The following BCOR variants were observed in gnomAD, a reference collection of about 807,000 sequenced individuals.
The protein encoded by BCOR is BCL6 corepressor.
A neutral mutation model predicts 86.7 loss-of-function variants in BCOR; 10 were observed. The observed-to-expected ratio is 0.12, with a 90% CI of 0.07 to 0.20. BCOR has a LOEUF of 0.20. Among genes scored for constraint, BCOR ranks in the 10% least tolerant of loss-of-function variants. The probability of loss-of-function intolerance (pLI) is 1.00; values close to 1 mark genes in which losing one functional copy is unlikely to be tolerated. For synonymous variants in BCOR, 611 were observed against 609.0 expected (o/e 1.00, Z -0.05); for missense variants, 1,259 against 1,452.1 (o/e 0.87, Z 2.16).
intron 1 of BCOR, among the ~76,000 whole-genome samples, chrX:40,171,656 G>A (rs889552512): frequency 8.9e-6 from 1 of 112,987 alleles, no homozygotes; most frequent in South Asian, 3.6e-4. Flanking sequence ...TGCCCCGCGT[G>A]GGCGCACCCT....
intron 1 of BCOR, among the ~76,000 whole-genome samples, chrX:40,105,223 C>T (rs2147802211): frequency 9.0e-6 from 1 of 111,300 alleles, no homozygotes; most frequent in African/African-American, 3.2e-5. Context: ...CTGCGGCCCC[C>T]ATCCCAGCGC....
At chrX:40,168,568 T>C (rs999874109) in intron 1 of BCOR, among the ~76,000 whole-genome samples, 21 of 112,686 alleles carry the variant, frequency 1.9e-4, no homozygotes, top group Middle Eastern at 4.6e-3. Flanking sequence ...TGGCTCCTGT[T>C]GCTCGAGGCC....
In BCOR at chrX:40,062,066, TC is replaced by T. The variant is rs1300026403; in HGVS notation, c.4428+72del. 7 of 1,135,181 alleles carry T rather than the reference TC, an allele frequency of 6.2e-6. No homozygotes were observed. In the East Asian group the frequency reaches 1.3e-4, roughly 21 times the overall value. The allele number at this position is 1,135,181 out of a possible 1,213,427, so 93.6% of individuals were successfully genotyped here. The stretch of plus-strand genomic sequence containing the variant: ...GGCTGAGCTCTGCTCTCCATGTCCC[TC>T]CCCTCGCCCACCACAGTCCGCAGGC... On this transcript the variant is annotated intron_variant, in intron 10 of 14. Coordinates refer to ENST00000378444, the MANE Select transcript of BCOR (RefSeq NM_001123385.2).
At position 40,119,529 on chromosome X, in the gene BCOR, T is replaced by C. The variant is rs143850553; in HGVS notation, c.-40-41560A>G. Among the ~76,000 whole-genome samples the C allele has an allele frequency of 3.4e-3, 379 of 110,751 alleles. 1 individual carries two copies. Among genetic ancestry groups the C allele is most frequent in the African/African-American group, 0.012 (361 of 30,420 alleles). ...CTCTACACAAACTACAAAAATAAGCTGGGTGTGGTGGGCGTGCTGTAGTCT... is the reference window on the plus strand; with the variant it reads ...CTCTACACAAACTACAAAAATAAGCCGGGTGTGGTGGGCGTGCTGTAGTCT... On this transcript the variant is annotated intron_variant, in intron 1 of 14. Transcript: ENST00000342274.
intron 1 of BCOR, among the ~76,000 whole-genome samples, chrX:40,159,933 G>A (rs1237372657): frequency 1.8e-5 from 2 of 112,030 alleles, no homozygotes; most frequent in African/African-American, 6.5e-5. Context: ...GAAAGGAACT[G>A]CAATCACTGA....
At chrX:40,156,353 G>T (rs1346079219) in intron 1 of BCOR, among the ~76,000 whole-genome samples, 1 of 110,996 alleles carries the variant, frequency 9.0e-6, no homozygotes, top group Non-Finnish European at 1.9e-5. Context: ...GCTCTGGCCC[G>T]CGCGGCCGGG....
At chrX:40,176,316 G>A (rs973548971) in intron 1 of BCOR, among the ~76,000 whole-genome samples, 3 of 112,298 alleles carry the variant, frequency 2.7e-5, no homozygotes, top group African/African-American at 9.7e-5. Context: ...GCTCCGGCTT[G>A]CACCCCCGCG....
In BCOR at chrX:40,105,016, G is replaced by A. The variant is rs1602224304; in HGVS notation, c.-40-27047C>T. Among the ~76,000 whole-genome samples, 3 of 111,136 alleles carry A rather than the reference G, an allele frequency of 2.7e-5. No individual in the cohort carries two copies. In the East Asian group the frequency reaches 8.8e-4, roughly 33 times the overall value. On this transcript the variant is annotated intron_variant, in intron 1 of 14. Coordinates refer to the BCOR transcript ENST00000342274. ...GGCTCGGTTCCGCGTTCCTGGGCCCGCGGGTAAGCTGAGTCGGCGGGGCAG... is the reference window on the plus strand; with the variant it reads ...GGCTCGGTTCCGCGTTCCTGGGCCCACGGGTAAGCTGAGTCGGCGGGGCAG...
At chrX:40,061,267 T>C (rs1205923485) in intron 10 of BCOR, among the ~76,000 whole-genome samples, 6 of 111,915 alleles carry the variant, frequency 5.4e-5, no homozygotes, top group African/African-American at 9.7e-5. Flanking sequence ...GGGGCAGACG[T>C]AGGTTTTGAA....
At chrX:40,173,750 C>T (rs1232449623) in intron 1 of BCOR, among the ~76,000 whole-genome samples, 2 of 112,198 alleles carry the variant, frequency 1.8e-5, no homozygotes, top group African/African-American at 6.5e-5. Flanking sequence ...TCCAGGACCT[C>T]CAGCCTACTC....
At chrX:40,157,754 C>G (rs769787019) in intron 1 of BCOR, among the ~76,000 whole-genome samples, 10 of 112,098 alleles carry the variant, frequency 8.9e-5, no homozygotes, top group Non-Finnish European at 1.9e-4. Flanking sequence ...CAGAATGCAC[C>G]GCATTCATCA....
chrX:40,091,769 C>A (rs1936624076), intron 1 of BCOR, among the ~76,000 whole-genome samples: 1 of 112,798 alleles, frequency 8.9e-6, no homozygotes, highest in Non-Finnish European at 1.9e-5. Context: ...CTTCTCCTGG[C>A]TCTACCACCT....
intron 1 of BCOR, among the ~76,000 whole-genome samples, chrX:40,139,489 ATATATATATTTTTTTTT>A (rs1937858352): frequency 9.9e-5 from 1 of 10,113 alleles, no homozygotes; most frequent in African/African-American, 6.6e-4. Context: ...ATATATATAT[ATATATATATTTTTTTTT>A]TTTTTTAAGC....
At chrX:40,103,262 G>C (rs1937106728) in intron 1 of BCOR, among the ~76,000 whole-genome samples, 1 of 111,863 alleles carries the variant, frequency 8.9e-6, no homozygotes, top group African/African-American at 3.3e-5. Context: ...GATCCAGCTC[G>C]CTCTGGAGTT....
chrX:40,086,619 C>T (rs1321826784), intron 1 of BCOR, among the ~76,000 whole-genome samples: 3 of 113,752 alleles, frequency 2.6e-5, no homozygotes, highest in Non-Finnish European at 3.7e-5. Flanking sequence ...AGAAACTGGC[C>T]GCCACCTCTG....
At position 40,130,380 on chromosome X, in the gene BCOR, G is replaced by A. The variant is rs141160591; in HGVS notation, c.-41+46627C>T. 5.2e-3 allele frequency among the ~76,000 whole-genome samples: 586 copies of A among 112,338 alleles called. 2 individuals carry two copies. The highest frequency in any genetic ancestry group is 0.018 in the African/African-American group (551 of 30,965). Reference sequence around the variant, plus strand: ...TGGTCTTCCTGGTCCTCCAAGACCCGCTCTGCCAGGGATTCCGGGGTGCTG... The same window carrying A: ...TGGTCTTCCTGGTCCTCCAAGACCCACTCTGCCAGGGATTCCGGGGTGCTG... On this transcript the variant is annotated intron_variant, in intron 1 of 14. Coordinates refer to the BCOR transcript ENST00000342274.
chrX:40,103,108 G>A (rs1049880171), intron 1 of BCOR, among the ~76,000 whole-genome samples: 3 of 110,724 alleles, frequency 2.7e-5, no homozygotes, highest in Non-Finnish European at 5.7e-5. Context: ...TGGGGTGGGG[G>A]GGCTCAGGGT....
upstream of BCOR, among the ~76,000 whole-genome samples, chrX:40,101,213 C>T (rs1448594713): frequency 9.0e-6 from 1 of 111,340 alleles, no homozygotes; most frequent in Admixed American, 9.4e-5. Flanking sequence ...GCTGGGGATG[C>T]CGCGGGGCCT....
At chrX:40,157,237 G>A (rs1037727784) in intron 1 of BCOR, among the ~76,000 whole-genome samples, 43 of 112,366 alleles carry the variant, frequency 3.8e-4, no homozygotes, top group African/African-American at 1.4e-3. Flanking sequence ...GCCCTAATCA[G>A]GGGAGCAGGA....
Sources: allele counts gnomAD v4.1 joint callset (sites outside exome capture counted in the v4.1 genomes callset), GRCh38; gene constraint gnomAD v4.1.1; transcripts MANE v1.5; gene names NCBI Gene and HGNC (gene_info 2026-07-23, HGNC 2026-07-21).